The following TMLHE variants were observed in gnomAD, a reference collection of about 807,000 sequenced individuals.
TMLHE encodes the protein trimethyllysine dioxygenase, mitochondrial.
A neutral mutation model predicts 25.7 loss-of-function variants in TMLHE; 18 were observed. The ratio of observed to expected loss-of-function variants is 0.70; its 90% CI spans 0.48 to 1.04. The LOEUF (loss-of-function observed/expected upper bound fraction) is 1.04, where lower values mean the gene tolerates loss of function less well. Among genes scored for constraint, TMLHE ranks in the 50% least tolerant of loss-of-function variants. TMLHE has a pLI of 0.00. For synonymous variants in TMLHE, 105 were observed against 97.0 expected (o/e 1.08, Z -0.49); for missense variants, 236 against 259.0 (o/e 0.91, Z 0.61).
chrX:155,530,060 T>C (rs1207792309), intron 2 of TMLHE, among the ~76,000 whole-genome samples: 2 of 111,995 alleles, frequency 1.8e-5, no homozygotes, highest in African/African-American at 6.5e-5. Flanking sequence ...TTCATTCTTT[T>C]ACCTTCTGAG....
chrX:155,526,537 C>T (rs1466984462), intron 2 of TMLHE, among the ~76,000 whole-genome samples: 1 of 112,376 alleles, frequency 8.9e-6, no homozygotes, highest in Non-Finnish European at 1.9e-5. Flanking sequence ...GGGTTGGAAG[C>T]CCCACACAGA....
At chrX:155,540,488 A>G (rs1259001434) in intron 2 of TMLHE, among the ~76,000 whole-genome samples, 2 of 110,533 alleles carry the variant, frequency 1.8e-5, no homozygotes, top group African/African-American at 3.3e-5. Flanking sequence ...CAGATAAACA[A>G]AAGGAGAGGA....
At chrX:155,531,912 T>A (rs782795072) in intron 2 of TMLHE, among the ~76,000 whole-genome samples, 3 of 110,950 alleles carry the variant, frequency 2.7e-5, no homozygotes, top group African/African-American at 9.8e-5. Flanking sequence ...TAGACCCCAA[T>A]TGAGAGCCTC....
chrX:155,599,615 C>A (rs2067744615), intron 1 of TMLHE, among the ~76,000 whole-genome samples: 1 of 111,955 alleles, frequency 8.9e-6, no homozygotes, highest in Admixed American at 9.5e-5. Context: ...ACTTCCTTAG[C>A]CTGTTAAGGG....
intron 1 of TMLHE, among the ~76,000 whole-genome samples, chrX:155,589,232 G>A (rs369517950): frequency 7.2e-5 from 8 of 111,668 alleles, no homozygotes; most frequent in African/African-American, 2.6e-4. Flanking sequence ...GAGATCACCT[G>A]AGGTCAGGAG....
rs1313032210 is a variant in TMLHE at position 155,565,386 on chromosome X, G to A, written c.-1-20109C>T. ...AAACAAAGGTGGTCTAGGGTCAAGA[G>A]TAGGTGAAACTACCCCTTGAGTTTC... is the stretch of plus-strand genomic sequence containing the variant. On this transcript the variant is annotated intron_variant, in intron 1 of 7. Coordinates refer to ENST00000334398, the MANE Select transcript of TMLHE (RefSeq NM_018196.4). Among the ~76,000 whole-genome samples the A allele has an allele frequency of 4.9e-5, 3 of 61,826 alleles. 1 individual carries two copies. The highest frequency in any genetic ancestry group is 1.4e-4 in the Non-Finnish European group (3 of 22,052). The allele number at this position is 61,826 out of a possible 115,157, so 53.7% of individuals were successfully genotyped here. A position where few individuals can be genotyped will look rare whatever the true frequency, so the allele number is the denominator to read the frequency against.
chrX:155,524,633 C>A lies in TMLHE; in HGVS notation c.182-1G>T. ...ATCACGGTATTAGCATATTTCAGCT[C>A]TAGGGAAAAGATCACATTTATCAGA... On this transcript the variant is annotated splice_acceptor_variant, in intron 2 of 7. Transcript: ENST00000334398. LOFTEE classifies it high-confidence loss of function. 1.7e-6 allele frequency: 2 copies of A among 1,158,176 alleles called. No individual in the cohort carries two copies. Among genetic ancestry groups the A allele is most frequent in the Non-Finnish European group, 2.3e-6 (2 of 867,755 alleles).
At chrX:155,544,352 A>G (rs146009983) in intron 2 of TMLHE, among the ~76,000 whole-genome samples, 3 of 112,090 alleles carry the variant, frequency 2.7e-5, no homozygotes, top group South Asian at 3.7e-4. Context: ...CTATCTTTAT[A>G]AAGAGAAATA....
intron 1 of TMLHE, among the ~76,000 whole-genome samples, chrX:155,606,640 A>G (rs2067787955): frequency 9.0e-6 from 1 of 110,553 alleles, no homozygotes; most frequent in South Asian, 3.8e-4. Flanking sequence ...ATAGCATTCA[A>G]TGATAAAAAA....
intron 1 of TMLHE, among the ~76,000 whole-genome samples, chrX:155,553,232 T>G: frequency 9.1e-6 from 1 of 110,490 alleles, no homozygotes; most frequent in Non-Finnish European, 1.9e-5. Context: ...TCTATATAAT[T>G]ATTGGTTTTC....
At chrX:155,585,809 T>A (rs1215622182) in intron 1 of TMLHE, among the ~76,000 whole-genome samples, 1 of 112,191 alleles carries the variant, frequency 8.9e-6, no homozygotes, top group Non-Finnish European at 1.9e-5. Flanking sequence ...ATAGACCATA[T>A]GCTGGCTACA....
intron 1 of TMLHE, among the ~76,000 whole-genome samples, chrX:155,549,303 G>C (rs2067394417): frequency 9.1e-6 from 1 of 110,285 alleles, no homozygotes; most frequent in Non-Finnish European, 1.9e-5. Flanking sequence ...CTGATCTTAG[G>C]GGAAAACATT....
intron 1 of TMLHE, among the ~76,000 whole-genome samples, chrX:155,545,565 T>G (rs1557338619): frequency 8.9e-6 from 1 of 112,019 alleles, no homozygotes. Context: ...TCCAAATACA[T>G]ACAGTCATCT....
intron 2 of TMLHE, among the ~76,000 whole-genome samples, chrX:155,530,762 T>C (rs1557337010): frequency 8.9e-6 from 1 of 112,412 alleles, no homozygotes; most frequent in African/African-American, 3.2e-5. Context: ...TGGGAATCTG[T>C]GGTGTATTTT....
At chrX:155,533,772 GAA>G (rs781955894) in intron 2 of TMLHE, among the ~76,000 whole-genome samples, 2 of 110,743 alleles carry the variant, frequency 1.8e-5, no homozygotes, top group Non-Finnish European at 3.8e-5. Context: ...CTGGACAAAG[GAA>G]AAAAAAGTGA....
chrX:155,585,445 A>T, intron 1 of TMLHE, among the ~76,000 whole-genome samples: 1 of 110,503 alleles, frequency 9.0e-6, no homozygotes, highest in East Asian at 2.8e-4. Flanking sequence ...ACACACACAC[A>T]CACACACATA....
chrX:155,548,940 G>T (rs782090641), intron 1 of TMLHE, among the ~76,000 whole-genome samples: 1 of 110,442 alleles, frequency 9.1e-6, no homozygotes, highest in South Asian at 3.8e-4. Flanking sequence ...CAAAAATTAA[G>T]ATGTCTGACA....
rs113000833 is a variant in TMLHE at position 155,573,075 on chromosome X, C to G, written c.-1-27798G>C. 3.5e-5 allele frequency among the ~76,000 whole-genome samples: 2 copies of G among 57,353 alleles called. 1 individual carries two copies. Among genetic ancestry groups the G allele is most frequent in the Non-Finnish European group, 9.2e-5 (2 of 21,816 alleles). 49.8% of individuals were successfully genotyped at this position (57,353 alleles called of 115,157 possible). A position where few individuals can be genotyped will look rare whatever the true frequency, so the allele number is the denominator to read the frequency against. On this transcript the variant is annotated intron_variant, in intron 1 of 7. Coordinates refer to ENST00000334398, the MANE Select transcript of TMLHE (RefSeq NM_018196.4). ...ACAAAATGGGAGAAAATTCTCACAA[C>G]CTACTCATCTGACAAAGGGCTAATA...
intron 6 of TMLHE, among the ~76,000 whole-genome samples, chrX:155,506,199 G>T: frequency 9.0e-6 from 1 of 111,020 alleles, no homozygotes; most frequent in East Asian, 2.8e-4. Context: ...GGCTCACAAT[G>T]GAAGCAAGGA....
Sources: gnomAD v4.1 joint callset for allele counts (sites outside exome capture counted in the v4.1 genomes callset) on GRCh38, gnomAD v4.1.1 for gene constraint, MANE v1.5 for transcripts, NCBI Gene and HGNC (gene_info 2026-07-23, HGNC 2026-07-21) for gene names.